Variants in ANKRD36 observed in about 807,000 individuals in gnomAD.
ANKRD36 encodes the protein ankyrin repeat domain-containing protein 36A.
Under a neutral mutation model 278.1 loss-of-function variants are expected in ANKRD36, and 179 were observed. The observed-to-expected ratio is 0.64, with a 90% CI of 0.57 to 0.73. The LOEUF (loss-of-function observed/expected upper bound fraction) is 0.73. ANKRD36 is among the 30% of genes least tolerant of loss of function. ANKRD36 has a pLI of 0.00. For synonymous variants in ANKRD36, 320 were observed against 641.1 expected, an observed-to-expected ratio of 0.50 and a Z score of 7.57; for missense variants, 1,159 against 1,956.7, an observed-to-expected ratio of 0.59 and a Z score of 7.69.
chr2:97,210,542 C>A (rs2064174411), intron 56 of ANKRD36, among the ~76,000 whole-genome samples: 1 of 151,764 alleles, frequency 6.6e-6, no homozygotes, highest in South Asian at 2.1e-4. Context: ...TACTAGGAGG[C>A]GTCAGAGATA....
chr2:97,175,438 TG>T (rs2053940083), intron 22 of ANKRD36, among the ~76,000 whole-genome samples: 1 of 152,098 alleles, frequency 6.6e-6, no homozygotes, highest in East Asian at 1.9e-4. Flanking sequence ...TATTCTCTGA[TG>T]GTAGTTTATT....
intron 3 of ANKRD36, among the ~76,000 whole-genome samples, 172 bp from the exon 4 acceptor site, chr2:97,122,715 G>A (rs889708481): frequency 1.3e-5 from 2 of 151,420 alleles, no homozygotes; most frequent in African/African-American, 4.8e-5. Flanking sequence ...GTTGTTTCCA[G>A]GGGAAGGAGC....
At chr2:97,218,121 G>T (rs1239035898) in intron 64 of ANKRD36, among the ~76,000 whole-genome samples, 1 of 150,830 alleles carries the variant, frequency 6.6e-6, no homozygotes, top group African/African-American at 2.4e-5. Context: ...TGAATATTTA[G>T]TTTTTTTCCA....
chr2:97,191,647 G>A (rs1261281766), intron 36 of ANKRD36, among the ~76,000 whole-genome samples: 3 of 151,672 alleles, frequency 2.0e-5, no homozygotes, highest in Non-Finnish European at 1.5e-5. Flanking sequence ...CGGATTGTGA[G>A]GCAGGAAGGT....
At chr2:97,220,626 C>G (rs2067155225) in intron 66 of ANKRD36, among the ~76,000 whole-genome samples, 1 of 150,590 alleles carries the variant, frequency 6.6e-6, no homozygotes, top group African/African-American at 2.5e-5. Flanking sequence ...ACCCATTTTT[C>G]TGTTGATGTA....
chr2:97,137,800 T>A (rs950239378), intron 6 of ANKRD36, among the ~76,000 whole-genome samples: 10 of 152,136 alleles, frequency 6.6e-5, no homozygotes, highest in Admixed American at 2.0e-4. Flanking sequence ...ATTGCCATTC[T>A]AAATGGCGCG....
At chr2:97,211,793 T>A in intron 58 of ANKRD36, 52 bp downstream of exon 58, 1 of 1,518,506 alleles carries the variant, frequency 6.6e-7, no homozygotes, top group Non-Finnish European at 8.9e-7. Context: ...AGAAGAGAAC[T>A]TCTCTTCACC....
intron 1 of ANKRD36, among the ~76,000 whole-genome samples, 196 bp from the exon 2 acceptor site, chr2:97,117,868 C>G (rs2035909487): frequency 6.6e-6 from 1 of 151,790 alleles, no homozygotes; most frequent in Non-Finnish European, 1.5e-5. Flanking sequence ...ATTTTAAGCC[C>G]CAATTAAACT....
chr2:97,171,687 A>C (rs1275393609), intron 22 of ANKRD36, among the ~76,000 whole-genome samples: 1 of 150,452 alleles, frequency 6.6e-6, no homozygotes, highest in East Asian at 1.9e-4. Flanking sequence ...TGTACCCTAA[A>C]ACTTAAAGTA....
chr2:97,204,256 T>C lies in ANKRD36; in HGVS notation c.3054T>C (p.Thr1018=). Residue 1018 remains threonine (T), a synonymous_variant, in exon 50 of 76, where the codon ACT becomes ACC. Coordinates refer to ENST00000420699, the MANE Select transcript of ANKRD36 (RefSeq NM_001354587.1). ...IARGKKDGEK[T]RTVSSQKPPT... ...GAGGAAAAAAGGATGGAGAAAAAACTAGGACAGGTAATTTTGAAAAGAGAT... is the reference window on the plus strand; with the variant it reads ...GAGGAAAAAAGGATGGAGAAAAAACCAGGACAGGTAATTTTGAAAAGAGAT... 3.8e-6 allele frequency: 6 copies of C among 1,565,140 alleles called. No homozygotes were observed. Among genetic ancestry groups the C allele is most frequent in the Non-Finnish European group, 5.2e-6 (6 of 1,156,808 alleles).
At chr2:97,130,727 A>C (rs1352226694) in intron 6 of ANKRD36, among the ~76,000 whole-genome samples, 1 of 152,054 alleles carries the variant, frequency 6.6e-6, no homozygotes, top group Non-Finnish European at 1.5e-5. Context: ...TTTTAGTGCA[A>C]TTCCCTTTTC....
intron 26 of ANKRD36, among the ~76,000 whole-genome samples, chr2:97,183,014 C>G (rs1325909735): frequency 2.0e-5 from 3 of 151,572 alleles, no homozygotes; most frequent in Admixed American, 6.6e-5. Flanking sequence ...CCTCAATTAC[C>G]AGGCAAGTTA....
intron 50 of ANKRD36, 66 bp from the exon 51 acceptor site, chr2:97,205,874 C>G (rs2062706937): frequency 6.7e-7 from 1 of 1,494,914 alleles, no homozygotes; most frequent in African/African-American, 1.4e-5. Context: ...GCTAACTCTG[C>G]TTGAATGTAT....
rs1558674283 is a variant in ANKRD36 at position 97,196,634 on chromosome 2, CCATTTAT to C, written c.2580+17_2580+23del. The C allele has an allele frequency of 1.2e-6, 2 of 1,603,860 alleles. No individual in the cohort carries two copies. The highest frequency in any genetic ancestry group is 1.7e-6 in the Non-Finnish European group (2 of 1,178,526). ...ACCAACCTTGAAGGTAATGAAACTC[CCATTTAT>C]CATGTGAACGAGTTAATGTATGGTC... On this transcript the variant is annotated intron_variant, in intron 41 of 75. Transcript: ENST00000420699.
intron 22 of ANKRD36, among the ~76,000 whole-genome samples, chr2:97,175,874 T>C (rs988664118): frequency 4.6e-5 from 7 of 151,458 alleles, no homozygotes; most frequent in African/African-American, 9.7e-5. Flanking sequence ...GCCTTCATTT[T>C]GTTATGTACC....
intron 14 of ANKRD36, among the ~76,000 whole-genome samples, chr2:97,154,451 G>A (rs1417308639): frequency 6.8e-6 from 1 of 146,818 alleles, no homozygotes; most frequent in Admixed American, 6.7e-5. Context: ...TATTTCATAG[G>A]TTGGGAGAAG....
chr2:97,225,206 C>G (rs2069031854), intron 67 of ANKRD36, among the ~76,000 whole-genome samples: 1 of 151,002 alleles, frequency 6.6e-6, no homozygotes, highest in Non-Finnish European at 1.5e-5. Flanking sequence ...AAATTATGAA[C>G]AATTTAACAG....
intron 40 of ANKRD36, among the ~76,000 whole-genome samples, chr2:97,196,377 C>T (rs1340934244): frequency 6.6e-6 from 1 of 151,922 alleles, no homozygotes; most frequent in Non-Finnish European, 1.5e-5. Context: ...GAAATCATGC[C>T]ATGTTTGAAA....
chr2:97,231,971 G>A (rs2072285327), intron 67 of ANKRD36, among the ~76,000 whole-genome samples: 1 of 151,988 alleles, frequency 6.6e-6, no homozygotes, highest in Non-Finnish European at 1.5e-5. Context: ...TCATTTTTGG[G>A]AAATTTAACA....
Sources: allele counts gnomAD v4.1 joint callset (sites outside exome capture counted in the v4.1 genomes callset), GRCh38; gene constraint gnomAD v4.1.1; transcripts MANE v1.5; gene names NCBI Gene and HGNC (gene_info 2026-07-23, HGNC 2026-07-21).